Variants in CCDC40 observed in about 807,000 individuals in gnomAD.
CCDC40 encodes the protein coiled-coil domain 40 molecular ruler complex subunit.
Under a neutral mutation model 124.5 loss-of-function variants are expected in CCDC40, and 104 were observed. The observed-to-expected ratio is 0.84, with a 90% CI of 0.71 to 0.98. The LOEUF (loss-of-function observed/expected upper bound fraction) is 0.98, where lower values mean the gene tolerates loss of function less well. Ranked by LOEUF, CCDC40 falls within the 50% of genes least tolerant of loss-of-function variation. CCDC40 has a pLI of 0.00. For synonymous variants in CCDC40, 580 were observed against 602.9 expected (o/e 0.96, Z 0.56); for missense variants, 1,463 against 1,503.9 (o/e 0.97, Z 0.45).
rs554009942 is a variant in CCDC40 at position 80,079,373 on chromosome 17, C to G, written c.1563-2173C>G. ...TTATTCTCGGGTGTTTATCTCTCCA[C>G]TTAAAAATCACCCGCGGCCGCTTAG... On this transcript the variant is annotated intron_variant, in intron 10 of 19. Coordinates refer to ENST00000397545, the MANE Select transcript of CCDC40 (RefSeq NM_017950.4). Among the ~76,000 whole-genome samples the G allele has an allele frequency of 1.1e-4, 16 of 152,238 alleles. No homozygotes were observed. The East Asian group carries it at 3.1e-3, about 29-fold the overall frequency.
chr17:80,049,074 ACCCCC>A (rs113179891), intron 5 of CCDC40, among the ~76,000 whole-genome samples: 1 of 150,840 alleles, frequency 6.6e-6, no homozygotes, highest in Non-Finnish European at 1.5e-5. Flanking sequence ...CAGGAGCACC[ACCCCC>A]CCGCCTTGGT....
chr17:80,047,461 T>A (rs7212643), intron 4 of CCDC40, 59 bp downstream of exon 4: 4 of 1,566,722 alleles, frequency 2.6e-6, no homozygotes, highest in Non-Finnish European at 8.7e-7. Context: ...CACAGGCCCT[T>A]CTGTGCAAGG....
rs1475398485 is a variant in CCDC40, at chr17:80,081,879, C to T, written c.1810C>T (p.Gln604Ter). 2.5e-6 allele frequency: 4 copies of T among 1,614,034 alleles called. No individual in the cohort carries two copies. Among genetic ancestry groups the T allele is most frequent in the Non-Finnish European group, 3.4e-6 (4 of 1,180,032 alleles). ...CCCTGTGGCTCCTTGTCTCCAGGAA[C>T]AAATGATACTCACGGAGGAGTTGCA... ...EDALSQDQLE[Q>*]MILTEELQAI... is the part of the protein sequence containing the mutation. Residue 604 changes from glutamine (Q) to a stop codon, truncating the protein, a stop_gained, in exon 12 of 20, where the codon CAA becomes TAA. Transcript: ENST00000397545. LOFTEE classifies it high-confidence loss of function.
chr17:80,050,505 G>A (rs550618308), intron 7 of CCDC40, among the ~76,000 whole-genome samples: 16 of 152,284 alleles, frequency 1.1e-4, no homozygotes, highest in Admixed American at 3.9e-4. Flanking sequence ...GTGCAATGGC[G>A]CGATCTTGGC....
chr17:80,058,200 G>A lies in CCDC40; in HGVS notation c.1160-294G>A, dbSNP rs1342765100. Among the ~76,000 whole-genome samples, 1 of 152,234 alleles carries A rather than the reference G, an allele frequency of 6.6e-6. No homozygotes were observed. The highest frequency in any genetic ancestry group is 1.5e-5 in the Non-Finnish European group (1 of 68,026). On this transcript the variant is annotated intron_variant, in intron 7 of 19. Transcript: ENST00000397545. The surrounding 1 kb of genome is among the most constrained non-coding windows in gnomAD (Gnocchi z 4.2). ...CCTTACCACCTGGCACTACTTCAGT[G>A]TATCCTTAGACTACCAGGAGGATCT...
At chr17:80,093,578 T>C (rs375680618) in intron 17 of CCDC40, among the ~76,000 whole-genome samples, 100 of 151,386 alleles carry the variant, frequency 6.6e-4, no homozygotes, top group African/African-American at 2.3e-3. Flanking sequence ...AGTGGCACGA[T>C]CTCAGCTCAC....
chr17:80,082,753 C>T (rs2038486379), intron 12 of CCDC40, among the ~76,000 whole-genome samples: 2 of 152,216 alleles, frequency 1.3e-5, no homozygotes, highest in South Asian at 4.1e-4. Context: ...AAGTCCAGTT[C>T]CCAATCCCCA....
intron 16 of CCDC40, 147 bp downstream of exon 16, chr17:80,088,249 T>C: frequency 1.4e-6 from 1 of 700,606 alleles, no homozygotes; most frequent in South Asian, 1.5e-5. Context: ...TGTTTTGTTT[T>C]TTGTTTTGTT....
At position 80,087,471 on chromosome 17, in the gene CCDC40, G is replaced by C. The variant is rs11150838; in HGVS notation, c.2450-136G>C. On this transcript the variant is annotated intron_variant, in intron 14 of 19. Coordinates refer to ENST00000397545, the MANE Select transcript of CCDC40 (RefSeq NM_017950.4). This position sits in a 1 kb window ranked among gnomAD's most constrained non-coding sequence, Gnocchi z 4.5. ...GGACGAGATTCAGGCAGGAGCGCCAGGAACGACAAGAGGGAGGGGATGAAG... is the reference window on the plus strand; with the variant it reads ...GGACGAGATTCAGGCAGGAGCGCCACGAACGACAAGAGGGAGGGGATGAAG... The C allele has an allele frequency of 0.69, 501,239 of 729,556 alleles. 173,784 individuals carry two copies. The highest frequency in any genetic ancestry group is 0.75 in the South Asian group (50,739 of 67,366). 45.2% of individuals were successfully genotyped at this position (729,556 alleles called of 1,614,324 possible).
At chr17:80,046,455 C>T (rs902048752) in intron 3 of CCDC40, among the ~76,000 whole-genome samples, 1 of 151,810 alleles carries the variant, frequency 6.6e-6, no homozygotes, top group Non-Finnish European at 1.5e-5. Context: ...ATCACCGGAG[C>T]CCAGAAGTTG....
chr17:80,037,677 ATTT>A (rs200145304), intron 1 of CCDC40, among the ~76,000 whole-genome samples: 8 of 114,100 alleles, frequency 7.0e-5, no homozygotes, highest in South Asian at 2.8e-4. Context: ...TGAATCTTTA[ATTT>A]TTTAAAAAAG....
rs374299021 is a variant in CCDC40, at chr17:80,066,506, CCAA to C, written c.1562+903_1562+905del. The C allele has an allele frequency of 4.4e-4, 103 of 232,614 alleles. 2 individuals carry two copies. The East Asian group carries it at 7.0e-3, about 16-fold the overall frequency. The allele number at this position is 232,614 out of a possible 1,614,324, so 14.4% of individuals were successfully genotyped here. ...GGCGCAGTGGCTCGCACCTGTAATC[CCAA>C]CATTTTGGGAGGCTGAGACGGGTGG... On this transcript the variant is annotated intron_variant, in intron 10 of 19. Coordinates refer to ENST00000397545, the MANE Select transcript of CCDC40 (RefSeq NM_017950.4). This position sits in a 1 kb window ranked among gnomAD's most constrained non-coding sequence, Gnocchi z 4.4.
At chr17:80,081,075 GGCT>G (rs1175566315) in intron 10 of CCDC40, among the ~76,000 whole-genome samples, 1 of 152,000 alleles carries the variant, frequency 6.6e-6, no homozygotes, top group African/African-American at 2.4e-5. Flanking sequence ...TTAAAGATTT[GGCT>G]GCTATTAAAA....
At chr17:80,089,166 C>A (rs768800965) in intron 16 of CCDC40, among the ~76,000 whole-genome samples, 1 of 152,180 alleles carries the variant, frequency 6.6e-6, no homozygotes, top group Non-Finnish European at 1.5e-5. Flanking sequence ...TTCAGAAGTT[C>A]CCCCTTGAAG....
chr17:80,039,742 A>T (rs530615141), intron 2 of CCDC40, 70 bp from the exon 3 acceptor site: 6 of 1,560,184 alleles, frequency 3.8e-6, no homozygotes, highest in Middle Eastern at 1.7e-4. Context: ...TAATTACACT[A>T]TAAAGAATAA....
At chr17:80,083,218 G>A (rs1282447113) in intron 12 of CCDC40, among the ~76,000 whole-genome samples, 1 of 152,034 alleles carries the variant, frequency 6.6e-6, no homozygotes, top group African/African-American at 2.4e-5. Flanking sequence ...GGCAGTTGGG[G>A]AGGGGGGAGG....
intron 4 of CCDC40, 55 bp from the exon 5 acceptor site, chr17:80,048,528 T>C (rs2037488563): frequency 7.0e-7 from 1 of 1,429,686 alleles, no homozygotes; most frequent in African/African-American, 1.4e-5. Flanking sequence ...CAGAATAGAA[T>C]CACTGAGGCT....
chr17:80,039,003 G>A (rs1225812179), intron 2 of CCDC40, among the ~76,000 whole-genome samples: 1 of 152,150 alleles, frequency 6.6e-6, no homozygotes, highest in Non-Finnish European at 1.5e-5. Flanking sequence ...TGCAAAGGAT[G>A]TCCAACTTTG....
At chr17:80,073,955 G>A (rs2038253456) in intron 10 of CCDC40, among the ~76,000 whole-genome samples, 1 of 151,930 alleles carries the variant, frequency 6.6e-6, no homozygotes, top group African/African-American at 2.4e-5. Flanking sequence ...CAAAGTGCCG[G>A]GATTACAAGT....
Sources: allele counts gnomAD v4.1 joint callset (sites outside exome capture counted in the v4.1 genomes callset), GRCh38; gene constraint gnomAD v4.1.1; non-coding constraint Gnocchi (gnomAD v3.1); transcripts MANE v1.5; gene names NCBI Gene and HGNC (gene_info 2026-07-23, HGNC 2026-07-21).